The following ARIH1 variants were observed in gnomAD, a reference collection of about 807,000 sequenced individuals.
The protein encoded by ARIH1 is ariadne RBR E3 ubiquitin protein ligase 1, also known as E3 ubiquitin-protein ligase ARIH1.
In ARIH1, 8 loss-of-function variants were observed where a neutral mutation model predicts 85.0. The ratio of observed to expected loss-of-function variants is 0.09; its 90% confidence interval spans 0.06 to 0.17. ARIH1 has a LOEUF of 0.17. ARIH1 is among the 10% of genes least tolerant of loss of function. ARIH1 has a pLI of 1.00. For synonymous variants in ARIH1, 238 were observed against 253.6 expected (o/e 0.94, Z 0.59); for missense variants, 311 against 718.1 (o/e 0.43, Z 6.48).
chr15:72,507,330 G>A (rs79177593), intron 1 of ARIH1, among the ~76,000 whole-genome samples: 1 of 152,296 alleles, frequency 6.6e-6, no homozygotes, highest in East Asian at 1.9e-4. Flanking sequence ...GGCTTTGGTT[G>A]TGATTCTACC....
At chr15:72,548,738 G>C (rs2064140414) in intron 3 of ARIH1, among the ~76,000 whole-genome samples, 1 of 152,138 alleles carries the variant, frequency 6.6e-6, no homozygotes, top group Non-Finnish European at 1.5e-5. Context: ...GGATGAGTGA[G>C]TTCTTCACTT....
At chr15:72,533,237 C>T (rs2140418497) in intron 2 of ARIH1, among the ~76,000 whole-genome samples, 1 of 152,274 alleles carries the variant, frequency 6.6e-6, no homozygotes, top group South Asian at 2.1e-4. Context: ...TCAAGCAATT[C>T]TCCTGTCTCA....
At chr15:72,551,481 G>A (rs1183220732) in intron 3 of ARIH1, among the ~76,000 whole-genome samples, 2 of 152,168 alleles carry the variant, frequency 1.3e-5, no homozygotes, top group African/African-American at 4.8e-5. Flanking sequence ...ACAGGATACA[G>A]TCAAATATGC....
rs143905502 is a variant in ARIH1 at position 72,474,711 on chromosome 15, C to CGAG, written c.84_86dup (p.Glu28dup). On this transcript the variant is annotated inframe_insertion, in exon 1 of 14. Coordinates refer to ENST00000379887, the MANE Select transcript of ARIH1 (RefSeq NM_005744.5). The stretch of plus-strand genomic sequence containing the variant: ...AGTGCAGTGAGGAGGACAGCGGCGC[C>CGAG]GAGGAGGAGGAGGACGAAGACGACG... The CGAG allele has an allele frequency of 1.3e-5, 20 of 1,564,698 alleles. No individual in the cohort carries two copies. In the East Asian group the frequency reaches 4.6e-4, roughly 36 times the overall value.
At position 72,598,463 on chromosome 15, in the gene ARIH1, C is replaced by A. The variant is rs1334440940; in HGVS notation, c.*15171C>A. 6.6e-6 allele frequency: 1 copy of A among 151,806 alleles called. No homozygotes were observed. The highest frequency in any genetic ancestry group is 6.6e-5 in the Admixed American group (1 of 15,248). The allele number at this position is 151,806 out of a possible 1,614,324, so 9.4% of individuals were successfully genotyped here. On this transcript the variant is annotated 3_prime_UTR_variant, in exon 14 of 14. Coordinates refer to ENST00000379887, the MANE Select transcript of ARIH1 (RefSeq NM_005744.5). ...GCACAGTGTCTCATGCCTGTAATCC[C>A]AGCACTTTGGGAGGCCGAGGCAGGT...
chr15:72,481,993 C>T (rs918589697), intron 1 of ARIH1, among the ~76,000 whole-genome samples: 8 of 152,060 alleles, frequency 5.3e-5, no homozygotes, highest in South Asian at 2.1e-4. Flanking sequence ...CCCACCACTA[C>T]GCCCGGCTAA....
intron 1 of ARIH1, among the ~76,000 whole-genome samples, chr15:72,516,997 G>A (rs1218227417): frequency 6.6e-6 from 1 of 152,106 alleles, no homozygotes; most frequent in African/African-American, 2.4e-5. Flanking sequence ...CTTAGGCCCC[G>A]TTGCATTTTG....
chr15:72,575,611 T>C (rs2064267474), intron 11 of ARIH1, among the ~76,000 whole-genome samples: 1 of 151,392 alleles, frequency 6.6e-6, no homozygotes, highest in Non-Finnish European at 1.5e-5. Flanking sequence ...GTGTTCTTTT[T>C]TCATGTTGAA....
chr15:72,481,249 G>C (rs1298774152), intron 1 of ARIH1, among the ~76,000 whole-genome samples: 1 of 152,206 alleles, frequency 6.6e-6, no homozygotes, highest in African/African-American at 2.4e-5. Flanking sequence ...TGGGGATGGG[G>C]TCTGGCTGTC....
At chr15:72,535,100 C>G (rs1052036569) in intron 2 of ARIH1, among the ~76,000 whole-genome samples, 1 of 150,336 alleles carries the variant, frequency 6.7e-6, no homozygotes. Flanking sequence ...TACAGGCGCC[C>G]GCCACCTCGC....
In ARIH1 at chr15:72,600,207, C is replaced by G. The variant is rs904689871; in HGVS notation, c.*16915C>G. The G allele has an allele frequency of 6.6e-6, 1 of 152,126 alleles. No homozygotes were observed. Among genetic ancestry groups the G allele is most frequent in the Non-Finnish European group, 1.5e-5 (1 of 68,022 alleles). The allele number at this position is 152,126 out of a possible 1,614,324, so 9.4% of individuals were successfully genotyped here. A position where few individuals can be genotyped will look rare whatever the true frequency, so the allele number is the denominator to read the frequency against. On this transcript the variant is annotated 3_prime_UTR_variant, in exon 14 of 14. Coordinates refer to ENST00000379887, the MANE Select transcript of ARIH1 (RefSeq NM_005744.5). ...CCTGATTCCTCTTCTATGTCCTCAG[C>G]CCCCACCATAAAAATAGATAAATGC... is the stretch of plus-strand genomic sequence containing the variant.
At chr15:72,514,783 A>G (rs2140409179) in intron 1 of ARIH1, among the ~76,000 whole-genome samples, 1 of 152,118 alleles carries the variant, frequency 6.6e-6, no homozygotes, top group Admixed American at 6.5e-5. Context: ...AGGTGGGTGG[A>G]TCATTTGAGG....
At position 72,593,345 on chromosome 15, in the gene ARIH1, A is replaced by G. The variant is rs1454134547; in HGVS notation, c.*10053A>G. ...AGACTCTATGTATTCACTTATTGGG[A>G]TCTTTCGATGAACAAATTTTTTTTA... On this transcript the variant is annotated 3_prime_UTR_variant, in exon 14 of 14. Transcript: ENST00000379887. 6.6e-6 allele frequency: 1 copy of G among 152,116 alleles called. No homozygotes were observed. The highest frequency in any genetic ancestry group is 1.5e-5 in the Non-Finnish European group (1 of 68,006). 9.4% of individuals were successfully genotyped at this position (152,116 alleles called of 1,614,324 possible).
chr15:72,483,535 C>T (rs1222874406), intron 1 of ARIH1, among the ~76,000 whole-genome samples: 3 of 152,160 alleles, frequency 2.0e-5, no homozygotes, highest in Admixed American at 1.3e-4. Flanking sequence ...TCTTAGAGGC[C>T]GGCTGTTTGT....
intron 9 of ARIH1, among the ~76,000 whole-genome samples, chr15:72,567,770 A>G (rs552607951): frequency 6.6e-6 from 1 of 152,284 alleles, no homozygotes; most frequent in Admixed American, 6.5e-5. Flanking sequence ...TCCATCCTTT[A>G]TGTAATTCAG....
intron 1 of ARIH1, among the ~76,000 whole-genome samples, chr15:72,517,409 A>AT (rs1423833647): frequency 6.6e-6 from 1 of 151,694 alleles, no homozygotes; most frequent in African/African-American, 2.4e-5. Flanking sequence ...AGTGTTGGAA[A>AT]TTTTCCTTTT....
intron 1 of ARIH1, among the ~76,000 whole-genome samples, 195 bp from the exon 2 acceptor site, chr15:72,517,869 CATA>C (rs2063982104): frequency 6.6e-6 from 1 of 152,050 alleles, no homozygotes; most frequent in African/African-American, 2.4e-5. Context: ...AGAAACCTGA[CATA>C]GTAGTGTGGC....
intron 1 of ARIH1, among the ~76,000 whole-genome samples, chr15:72,503,143 C>T (rs1206106929): frequency 1.3e-5 from 2 of 152,070 alleles, no homozygotes; most frequent in Non-Finnish European, 2.9e-5. Flanking sequence ...ATTTAGGGTT[C>T]TAGATATAAA....
At chr15:72,566,987 CT>C (rs2064223742) in intron 8 of ARIH1, 118 bp from the exon 9 acceptor site, 1 of 691,454 alleles carries the variant, frequency 1.4e-6, no homozygotes, top group African/African-American at 1.8e-5. Flanking sequence ...GGATGTGAGC[CT>C]AGTGATAATC....
Sources: gnomAD v4.1 joint callset for allele counts (sites outside exome capture counted in the v4.1 genomes callset) on GRCh38, gnomAD v4.1.1 for gene constraint, MANE v1.5 for transcripts, NCBI Gene and HGNC (gene_info 2026-07-23, HGNC 2026-07-21) for gene names.